CERS6: variants seen among roughly 807,000 people sequenced by gnomAD.
The protein encoded by CERS6 is LAG1 homolog, ceramide synthase 6.
A neutral mutation model predicts 56.8 loss-of-function variants in CERS6; 26 were observed. The ratio of observed to expected loss-of-function variants is 0.46; its 90% CI spans 0.34 to 0.63. The LOEUF (loss-of-function observed/expected upper bound fraction) is 0.63. CERS6 is among the 30% of genes least tolerant of loss of function. The pLI is 0.01. For synonymous variants in CERS6, 164 were observed against 173.3 expected (o/e 0.95, Z 0.42); for missense variants, 415 against 467.5 (o/e 0.89, Z 1.04).
intron 4 of CERS6, among the ~76,000 whole-genome samples, chr2:168,682,208 T>C (rs1430009140): frequency 6.6e-6 from 1 of 152,214 alleles, no homozygotes; most frequent in African/African-American, 2.4e-5. Flanking sequence ...ATAAGACCTG[T>C]TAAAACTACA....
intron 6 of CERS6, among the ~76,000 whole-genome samples, chr2:168,712,102 C>T (rs1687106190): frequency 6.6e-6 from 1 of 152,128 alleles, no homozygotes; most frequent in Non-Finnish European, 1.5e-5. Context: ...GGAACCAGGG[C>T]AGGAGCCATG....
At chr2:168,757,035 G>T (rs906577281) in intron 8 of CERS6, among the ~76,000 whole-genome samples, 2 of 152,106 alleles carry the variant, frequency 1.3e-5, no homozygotes, top group Non-Finnish European at 2.9e-5. Flanking sequence ...GCTATATGAG[G>T]ATCTTACAGA....
intron 3 of CERS6, among the ~76,000 whole-genome samples, chr2:168,627,095 A>C (rs938668882): frequency 6.6e-6 from 1 of 152,214 alleles, no homozygotes; most frequent in African/African-American, 2.4e-5. Context: ...AAATAGTCTT[A>C]GTCTATTTCT....
chr2:168,708,595 A>G (rs1687014926), intron 6 of CERS6, among the ~76,000 whole-genome samples: 1 of 152,088 alleles, frequency 6.6e-6, no homozygotes, highest in African/African-American at 2.4e-5. Context: ...ACCTGGTGCT[A>G]TTACCTGACT....
chr2:168,574,540 C>G (rs1363210148), intron 3 of CERS6, among the ~76,000 whole-genome samples: 1 of 151,966 alleles, frequency 6.6e-6, no homozygotes, highest in Non-Finnish European at 1.5e-5. Flanking sequence ...ACAAACAATC[C>G]TTCATTTCCT....
chr2:168,547,929 T>C lies in CERS6; in HGVS notation c.276+228T>C, dbSNP rs990526199. 2.0e-5 allele frequency among the ~76,000 whole-genome samples: 3 copies of C among 152,246 alleles called. No homozygotes were observed. In the East Asian group the frequency reaches 5.8e-4, roughly 29 times the overall value. Reference sequence around the variant, plus strand: ...TGATTTTTAGTAGCTCACCTGAGAATAGTCTTGACTAAATAATGATTAGTC... The same window carrying C: ...TGATTTTTAGTAGCTCACCTGAGAACAGTCTTGACTAAATAATGATTAGTC... On this transcript the variant is annotated intron_variant, in intron 2 of 9. Coordinates refer to ENST00000305747, the MANE Select transcript of CERS6 (RefSeq NM_203463.3).
chr2:168,506,788 T>C (rs1558976309), intron 1 of CERS6, among the ~76,000 whole-genome samples: 1 of 152,210 alleles, frequency 6.6e-6, no homozygotes, highest in East Asian at 1.9e-4. Context: ...AGCAATTAGA[T>C]TGCTAACTTT....
chr2:168,743,986 CTTTTTTT>C lies in CERS6; in HGVS notation c.846-21604_846-21598del, dbSNP rs1559076871. Among the ~76,000 whole-genome samples, 574 of 59,722 alleles carry C rather than the reference CTTTTTTT, an allele frequency of 9.6e-3. 1 individual carries two copies. The highest frequency in any genetic ancestry group is 0.012 in the Non-Finnish European group (379 of 30,870). The allele number at this position is 59,722 out of a possible 152,430, so 39.2% of individuals were successfully genotyped here. ...TTGTATTGTTACTGTTTTCTTTTTT[CTTTTTTT>C]TCTTTTTTTTTTTTTTTTTTTTGAG... On this transcript the variant is annotated intron_variant, in intron 8 of 9. Coordinates refer to ENST00000305747, the MANE Select transcript of CERS6 (RefSeq NM_203463.3).
At chr2:168,756,319 G>A (rs1230980025) in intron 8 of CERS6, among the ~76,000 whole-genome samples, 1 of 152,208 alleles carries the variant, frequency 6.6e-6, no homozygotes, top group Non-Finnish European at 1.5e-5. Context: ...ATCTGCCTCA[G>A]TCCTTTCAAA....
intron 8 of CERS6, among the ~76,000 whole-genome samples, chr2:168,756,286 G>A (rs950475697): frequency 2.0e-5 from 3 of 152,208 alleles, no homozygotes; most frequent in Non-Finnish European, 4.4e-5. Context: ...TTTTCTTAAA[G>A]TAGGGGATAT....
chr2:168,658,280 G>C (rs1026034602), intron 4 of CERS6, among the ~76,000 whole-genome samples: 5 of 152,154 alleles, frequency 3.3e-5, no homozygotes, highest in African/African-American at 4.8e-5. Context: ...TTCTCTTTTA[G>C]GGTCCTTGAC....
intron 3 of CERS6, among the ~76,000 whole-genome samples, chr2:168,623,108 G>T (rs1684511677): frequency 6.6e-6 from 1 of 152,102 alleles, no homozygotes; most frequent in Non-Finnish European, 1.5e-5. Context: ...GGAGACTACT[G>T]ACCTAAAAAT....
intron 1 of CERS6, among the ~76,000 whole-genome samples, chr2:168,503,266 A>G (rs1694617117): frequency 6.6e-6 from 1 of 152,168 alleles, no homozygotes. Flanking sequence ...CTCTTTCTTT[A>G]TAAATTACCC....
chr2:168,694,991 C>T lies in CERS6; in HGVS notation c.549C>T (p.Ile183=), dbSNP rs1245568709. The T allele has an allele frequency of 1.2e-6, 2 of 1,613,410 alleles. No homozygotes were observed. The highest frequency in any genetic ancestry group is 1.3e-5 in the African/African-American group (1 of 74,830). The part of the protein sequence containing the change: ...PLTTDLHYYY[I]LELSFYWSLM... ...CAACTGACCTTCACTACTATTACAT[C>T]CTGGAGCTGTCGTTTTATTGGTCTT... is the stretch of plus-strand genomic sequence containing the variant. Residue 183 remains isoleucine, a synonymous_variant, in exon 6 of 10, where the codon ATC becomes ATT. Coordinates refer to ENST00000305747, the MANE Select transcript of CERS6 (RefSeq NM_203463.3).
chr2:168,475,935 G>A (rs1490177772), intron 1 of CERS6, among the ~76,000 whole-genome samples: 1 of 152,188 alleles, frequency 6.6e-6, no homozygotes, highest in Non-Finnish European at 1.5e-5. Context: ...GCAAGTCCGG[G>A]CTCACTGTTT....
intron 4 of CERS6, among the ~76,000 whole-genome samples, chr2:168,650,517 T>C (rs1355435185): frequency 1.3e-5 from 2 of 152,214 alleles, no homozygotes; most frequent in Non-Finnish European, 2.9e-5. Context: ...TTAAATGAAA[T>C]AGCCCAACTC....
chr2:168,684,974 CAGTG>C (rs374335845), intron 4 of CERS6, among the ~76,000 whole-genome samples: 88 of 152,226 alleles, frequency 5.8e-4, no homozygotes, highest in Middle Eastern at 3.4e-3. Context: ...AAATATAACT[CAGTG>C]AGTGTTTTCT....
At chr2:168,608,329 T>G (rs1684102284) in intron 3 of CERS6, among the ~76,000 whole-genome samples, 1 of 152,224 alleles carries the variant, frequency 6.6e-6, no homozygotes, top group Non-Finnish European at 1.5e-5. Flanking sequence ...GCTGTGAACA[T>G]TCGGATAGAA....
chr2:168,661,973 A>G (rs1685641663), intron 4 of CERS6, among the ~76,000 whole-genome samples: 1 of 152,254 alleles, frequency 6.6e-6, no homozygotes. Context: ...AGATTGGCTT[A>G]CAGACATATT....
Sources: gnomAD v4.1 joint callset for allele counts (sites outside exome capture counted in the v4.1 genomes callset) on GRCh38, gnomAD v4.1.1 for gene constraint, MANE v1.5 for transcripts, NCBI Gene and HGNC (gene_info 2026-07-23, HGNC 2026-07-21) for gene names.